The following CCDC85C variants were observed in gnomAD, a reference collection of about 807,000 sequenced individuals.
The protein encoded by CCDC85C is coiled-coil domain-containing protein 85C.
CCDC85C carries 18 observed loss-of-function variants against 38.3 expected under a neutral mutation model. The ratio of observed to expected loss-of-function variants is 0.47; its 90% CI spans 0.33 to 0.70. The LOEUF is 0.70. Ranked by LOEUF, CCDC85C falls within the 30% of genes least tolerant of loss-of-function variation. The pLI is 0.03. For synonymous variants in CCDC85C, 264 were observed against 293.8 expected, an observed-to-expected ratio of 0.90 and a Z score of 1.04; for missense variants, 566 against 621.2, an observed-to-expected ratio of 0.91 and a Z score of 0.94.
Position 99,572,653 on chromosome 14 carries a change from G to T in CCDC85C, c.793+30514C>A, listed in dbSNP as rs1898377197. 1 of 455,574 alleles carries T rather than the reference G, an allele frequency of 2.2e-6. No individual in the cohort carries two copies. The highest frequency in any genetic ancestry group is 4.4e-6 in the Non-Finnish European group (1 of 226,624). The allele number at this position is 455,574 out of a possible 1,614,324, so 28.2% of individuals were successfully genotyped here. A position where few individuals can be genotyped will look rare whatever the true frequency, so the allele number is the denominator to read the frequency against. ...CAGCTGCTTATCATCCAAGCCCCAG[G>T]TGACCTGGCCCCTCCTTAAGAGGCC... On this transcript the variant is annotated intron_variant, in intron 1 of 5. Transcript: ENST00000380243. This position sits in a 1 kb window ranked among gnomAD's most constrained non-coding sequence, Gnocchi z 4.4.
In CCDC85C at chr14:99,501,489, C is replaced by A; in HGVS notation, c.*13757G>T. ...ACTTTATGGACCATTTCATCTAAAC[C>A]CCTCATTTTGTGTCAGAAGAAACTG... On this transcript the variant is annotated 3_prime_UTR_variant, in exon 6 of 6. Transcript: ENST00000380243. The A allele has an allele frequency of 9.9e-7, 1 of 1,012,666 alleles. No individual in the cohort carries two copies. Among genetic ancestry groups the A allele is most frequent in the Non-Finnish European group, 1.5e-6 (1 of 651,884 alleles). 62.7% of individuals were successfully genotyped at this position (1,012,666 alleles called of 1,614,324 possible).
chr14:99,577,431 G>T (rs1898504055), intron 1 of CCDC85C, among the ~76,000 whole-genome samples: 1 of 137,404 alleles, frequency 7.3e-6, no homozygotes, highest in Non-Finnish European at 1.6e-5. Context: ...AGACAGGGAG[G>T]CCCAGGGTGA....
chr14:99,528,824 C>T (rs1293989811), intron 2 of CCDC85C, among the ~76,000 whole-genome samples: 1 of 151,820 alleles, frequency 6.6e-6, no homozygotes, highest in Non-Finnish European at 1.5e-5. Context: ...GAACAACACA[C>T]ACTGGGGCGT....
In CCDC85C at chr14:99,520,627, GC is replaced by G; in HGVS notation, c.975+1505del. On this transcript the variant is annotated intron_variant, in intron 3 of 5. Coordinates refer to ENST00000380243, the MANE Select transcript of CCDC85C (RefSeq NM_001144995.2). This position sits in a 1 kb window ranked among gnomAD's most constrained non-coding sequence, Gnocchi z 4.1. ...TGCCCGCCGACCAGCCCTGATCATGGCCCCTGAACCTCAGTTTATCACCCGG... is the reference window on the plus strand; with the variant it reads ...TGCCCGCCGACCAGCCCTGATCATGGCCCTGAACCTCAGTTTATCACCCGG... Among the ~76,000 whole-genome samples the G allele has an allele frequency of 6.6e-6, 1 of 152,186 alleles. No individual in the cohort carries two copies. The highest frequency in any genetic ancestry group is 3.4e-3 in the Middle Eastern group (1 of 294).
At chr14:99,590,323 C>T (rs2055072238) in intron 1 of CCDC85C, among the ~76,000 whole-genome samples, 1 of 152,198 alleles carries the variant, frequency 6.6e-6, no homozygotes, top group Admixed American at 6.5e-5. Flanking sequence ...TTCCGTCCAA[C>T]CTGTCAGCAG....
chr14:99,561,554 T>C (rs1419593075), intron 1 of CCDC85C, among the ~76,000 whole-genome samples: 4 of 152,206 alleles, frequency 2.6e-5, no homozygotes, highest in Non-Finnish European at 5.9e-5. Context: ...CTGTCCTTTG[T>C]TGGGCACCAG....
rs1489456708 is a variant in CCDC85C, at chr14:99,545,493, G to A, written c.794-9405C>T. Among the ~76,000 whole-genome samples the A allele has an allele frequency of 6.6e-6, 1 of 152,116 alleles. No homozygotes were observed. Among genetic ancestry groups the A allele is most frequent in the East Asian group, 1.9e-4 (1 of 5,180 alleles). On this transcript the variant is annotated intron_variant, in intron 1 of 5. Transcript: ENST00000380243. This position sits in a 1 kb window ranked among gnomAD's most constrained non-coding sequence, Gnocchi z 4.7. ...AACTGTGTAATTGCTTCAAATATGG[G>A]GACAAGGGGAAAAGAATTCCTTCCC...
intron 1 of CCDC85C, among the ~76,000 whole-genome samples, chr14:99,578,442 C>A (rs139977491): frequency 6.6e-6 from 1 of 152,292 alleles, no homozygotes; most frequent in African/African-American, 2.4e-5. Flanking sequence ...CACCTATGTT[C>A]CCCGTCATGC....
At chr14:99,600,990 A>G (rs1159107577) in intron 1 of CCDC85C, among the ~76,000 whole-genome samples, 1 of 151,984 alleles carries the variant, frequency 6.6e-6, no homozygotes, top group Non-Finnish European at 1.5e-5. Flanking sequence ...GTTCCATTGC[A>G]CTCTAGCCTG....
intron 1 of CCDC85C, among the ~76,000 whole-genome samples, chr14:99,597,582 A>G (rs1439528454): frequency 6.6e-6 from 1 of 152,146 alleles, no homozygotes; most frequent in Non-Finnish European, 1.5e-5. Flanking sequence ...GCTTGTGGGC[A>G]CTGAAGTCTG....
chr14:99,577,632 G>A (rs906403725), intron 1 of CCDC85C, among the ~76,000 whole-genome samples: 2 of 152,100 alleles, frequency 1.3e-5, no homozygotes, highest in Admixed American at 6.5e-5. Context: ...GTGCATGTGT[G>A]TGTGCATGTA....
intron 1 of CCDC85C, among the ~76,000 whole-genome samples, chr14:99,557,471 C>T (rs1330938479): frequency 6.6e-6 from 1 of 152,218 alleles, no homozygotes; most frequent in East Asian, 1.9e-4. Flanking sequence ...TGCCATTTCC[C>T]CATATAGAAA....
At position 99,505,428 on chromosome 14, in the gene CCDC85C, G is replaced by C. The variant is rs1027760973; in HGVS notation, c.*9818C>G. 3 of 152,246 alleles carry C rather than the reference G, an allele frequency of 2.0e-5. No homozygotes were observed. Among genetic ancestry groups the C allele is most frequent in the Non-Finnish European group, 4.4e-5 (3 of 68,042 alleles). The allele number at this position is 152,246 out of a possible 1,614,324, so 9.4% of individuals were successfully genotyped here. On this transcript the variant is annotated 3_prime_UTR_variant, in exon 6 of 6. Transcript: ENST00000380243. ...AAAATACACAGAGATTTCCAAGAAA[G>C]GAGAACGTAAGACATCTCATTAGTA...
rs150707759 is a variant in CCDC85C, at chr14:99,578,386, TTGTG to T, written c.793+24777_793+24780del. Among the ~76,000 whole-genome samples, 203 of 133,214 alleles carry T rather than the reference TTGTG, an allele frequency of 1.5e-3. 3 individuals carry two copies. The highest frequency in any genetic ancestry group is 4.7e-3 in the African/African-American group (162 of 34,502). The allele number at this position is 133,214 out of a possible 152,430, so 87.4% of individuals were successfully genotyped here. On this transcript the variant is annotated intron_variant, in intron 1 of 5. Coordinates refer to ENST00000380243, the MANE Select transcript of CCDC85C (RefSeq NM_001144995.2). ...CGTCCTGTATCCCCCATCGGTGTGTTTGTGTGTGTGTGTGAGTGTACACCTCTCC... is the reference window on the plus strand; with the variant it reads ...CGTCCTGTATCCCCCATCGGTGTGTTTGTGTGTGTGAGTGTACACCTCTCC...
chr14:99,563,458 C>T (rs1001701004), intron 1 of CCDC85C, among the ~76,000 whole-genome samples: 11 of 152,280 alleles, frequency 7.2e-5, no homozygotes, highest in Non-Finnish European at 1.0e-4. Context: ...CCACCTTCTG[C>T]TCCTGAGCCC....
rs1898059857 is a variant in CCDC85C, at chr14:99,558,841, G to A, written c.794-22753C>T. 6.6e-6 allele frequency among the ~76,000 whole-genome samples: 1 copy of A among 152,186 alleles called. No individual in the cohort carries two copies. Among genetic ancestry groups the A allele is most frequent in the African/African-American group, 2.4e-5 (1 of 41,454 alleles). ...GTCCTCACCCAATCTCATGTTGAATGTATCCCCAGTGCTGGAGGTGGGGCC... is the reference window on the plus strand; with the variant it reads ...GTCCTCACCCAATCTCATGTTGAATATATCCCCAGTGCTGGAGGTGGGGCC... On this transcript the variant is annotated intron_variant, in intron 1 of 5. Coordinates refer to ENST00000380243, the MANE Select transcript of CCDC85C (RefSeq NM_001144995.2). The surrounding 1 kb of genome is among the most constrained non-coding windows in gnomAD (Gnocchi z 4.2).
At chr14:99,539,266 T>C (rs1454674685) in intron 1 of CCDC85C, among the ~76,000 whole-genome samples, 1 of 150,224 alleles carries the variant, frequency 6.7e-6, no homozygotes, top group Non-Finnish European at 1.5e-5. Flanking sequence ...AGGTCAGGAG[T>C]TCAAGACCAG....
In CCDC85C at chr14:99,500,534, C is replaced by T. The variant is rs1384832480; in HGVS notation, c.*14712G>A. The stretch of plus-strand genomic sequence containing the variant: ...AATATTTTTAAGGATCTTTTGTTTT[C>T]AGTATTTTTTTTTACATTACACCTC... On this transcript the variant is annotated 3_prime_UTR_variant, in exon 6 of 6. Coordinates refer to ENST00000380243, the MANE Select transcript of CCDC85C (RefSeq NM_001144995.2). The T allele has an allele frequency of 4.4e-6, 2 of 453,456 alleles. No homozygotes were observed. The highest frequency in any genetic ancestry group is 8.0e-5 in the Admixed American group (2 of 24,856). 28.1% of individuals were successfully genotyped at this position (453,456 alleles called of 1,614,324 possible). A position where few individuals can be genotyped will look rare whatever the true frequency, so the allele number is the denominator to read the frequency against.
chr14:99,603,794 C>T lies in CCDC85C; in HGVS notation c.166G>A (p.Val56Met). Residue 56 changes from valine to methionine, a missense_variant, in exon 1 of 6, where the codon GTG becomes ATG. Physicochemically the swap from Val to Met is conservative, Grantham distance 21. Around this residue, in one of 3 missense-constraint regions of CCDC85C, gnomAD observed 269 missense variants for 308.2 expected, o/e 0.87. Transcript: ENST00000380243. The surrounding 1 kb of genome is among the most constrained non-coding windows in gnomAD (Gnocchi z 7.5). ...MLEHGGLMRD[V>M]NRRLQQHLLE... The stretch of plus-strand genomic sequence containing the variant: ...AGGTGCTGCTGCAGCCGCCGGTTCA[C>T]GTCGCGCATCAGGCCGCCGTGCTCC... The T allele has an allele frequency of 6.6e-7, 1 of 1,525,530 alleles. No homozygotes were observed. Among genetic ancestry groups the T allele is most frequent in the South Asian group, 1.2e-5 (1 of 82,346 alleles). The allele number at this position is 1,525,530 out of a possible 1,614,324, so 94.5% of individuals were successfully genotyped here. A position where few individuals can be genotyped will look rare whatever the true frequency, so the allele number is the denominator to read the frequency against.
Sources: gnomAD v4.1 joint callset for allele counts (sites outside exome capture counted in the v4.1 genomes callset) on GRCh38, gnomAD v4.1.1 for gene constraint, gnomAD v4.1.1 regional missense constraint, Gnocchi (gnomAD v3.1) non-coding constraint, MANE v1.5 for transcripts, NCBI Gene and HGNC (gene_info 2026-07-23, HGNC 2026-07-21) for gene names.